The following SIPA1L3 variants were observed in gnomAD, a reference collection of about 807,000 sequenced individuals.
SIPA1L3 encodes the protein signal induced proliferation associated 1 like 3, also known as signal-induced proliferation-associated 1-like protein 3.
SIPA1L3 carries 59 observed loss-of-function variants against 150.1 expected under a neutral mutation model. The ratio of observed to expected loss-of-function variants is 0.39; its 90% CI spans 0.32 to 0.49. SIPA1L3 has a LOEUF of 0.49. Among genes scored for constraint, SIPA1L3 ranks in the 20% least tolerant of loss-of-function variants. SIPA1L3 has a pLI of 0.86. For missense variants in SIPA1L3, 2,211 were observed against 2,489.5 expected (o/e 0.89, Z 2.38); for synonymous variants, 1,070 against 1,077.6 (o/e 0.99, Z 0.14).
rs1054839002 is a variant in SIPA1L3, at chr19:38,201,942, A to G, written c.5065A>G (p.Ser1689Gly). Residue 1689 changes from serine (S) to glycine (G), a missense_variant, in exon 20 of 22, where the codon AGC becomes GGC. By Grantham distance (56) the Ser-to-Gly change is moderately conservative. Coordinates refer to ENST00000222345, the MANE Select transcript of SIPA1L3 (RefSeq NM_015073.3). ...DIPPAHSPVH[S>G]HLSLERGPPT... Reference sequence around the variant, plus strand: ...CCCGCCTGCACACAGTCCTGTCCACAGCCACCTGAGCCTGGAGAGGGGACC... The same window carrying G: ...CCCGCCTGCACACAGTCCTGTCCACGGCCACCTGAGCCTGGAGAGGGGACC... 6.2e-7 allele frequency: 1 copy of G among 1,613,634 alleles called. No individual in the cohort carries two copies. The highest frequency in any genetic ancestry group is 8.5e-7 in the Non-Finnish European group (1 of 1,179,868).
intron 1 of SIPA1L3, among the ~76,000 whole-genome samples, chr19:37,910,309 C>T (rs2046367399): frequency 6.6e-6 from 1 of 151,970 alleles, no homozygotes; most frequent in African/African-American, 2.4e-5. Context: ...GTGGCTCATG[C>T]CTGTAATCCC....
chr19:38,163,151 A>T (rs1164301569), intron 14 of SIPA1L3, among the ~76,000 whole-genome samples: 1 of 152,168 alleles, frequency 6.6e-6, no homozygotes, highest in Non-Finnish European at 1.5e-5. Flanking sequence ...CTGACTTCCC[A>T]TTTGGGGCAG....
chr19:38,141,363 A>T lies in SIPA1L3; in HGVS notation c.3323A>T (p.Gln1108Leu). 1 of 1,613,880 alleles carries T rather than the reference A, an allele frequency of 6.2e-7. No individual in the cohort carries two copies. The highest frequency in any genetic ancestry group is 8.5e-7 in the Non-Finnish European group (1 of 1,179,978). Residue 1108 changes from glutamine (Q) to leucine (L), a missense_variant, in exon 11 of 22, where the codon CAG (glutamine) becomes CTG (leucine). By Grantham distance (113) the Gln-to-Leu change is moderately radical (BLOSUM62 -2). Coordinates refer to ENST00000222345, the MANE Select transcript of SIPA1L3 (RefSeq NM_015073.3). ...WATPTTPGHAQSLSRPLKQTP... is the reference protein window; with the variant it reads ...WATPTTPGHALSLSRPLKQTP... Reference sequence around the variant, plus strand: ...ACTCCAACCACTCCCGGCCATGCCCAGTCCCTGAGCCGGCCCCTGAAGCAG... The same window carrying T: ...ACTCCAACCACTCCCGGCCATGCCCTGTCCCTGAGCCGGCCCCTGAAGCAG...
chr19:38,002,756 A>G (rs1040418825), intron 1 of SIPA1L3, among the ~76,000 whole-genome samples: 3 of 147,980 alleles, frequency 2.0e-5, no homozygotes, highest in Non-Finnish European at 4.5e-5. Context: ...TTATATGTAT[A>G]TATATATATC....
intron 1 of SIPA1L3, among the ~76,000 whole-genome samples, chr19:38,019,314 C>T (rs943201288): frequency 2.6e-5 from 4 of 152,178 alleles, no homozygotes; most frequent in Admixed American, 6.5e-5. Flanking sequence ...GCTCACCATC[C>T]CTAGCACAGG....
chr19:37,948,466 T>TAAAAAAAAGAAAAA (rs2046732443), intron 1 of SIPA1L3, among the ~76,000 whole-genome samples: 1 of 145,656 alleles, frequency 6.9e-6, no homozygotes, highest in Non-Finnish European at 1.5e-5. Flanking sequence ...GACCCGGTCT[T>TAAAAAAAAGAAAAA]AAAAAAAAGA....
At chr19:38,116,235 T>C (rs748033060) in intron 8 of SIPA1L3, among the ~76,000 whole-genome samples, 9 of 152,060 alleles carry the variant, frequency 5.9e-5, no homozygotes, top group Non-Finnish European at 1.3e-4. Context: ...AGAGACCGGG[T>C]GCAGTGGCTC....
chr19:37,935,255 CTTA>C (rs2046590419), intron 1 of SIPA1L3, among the ~76,000 whole-genome samples: 1 of 152,214 alleles, frequency 6.6e-6, no homozygotes, highest in African/African-American at 2.4e-5. Flanking sequence ...GTTTAATGTA[CTTA>C]TTATGAAATA....
chr19:38,106,736 C>A, intron 7 of SIPA1L3, 96 bp downstream of exon 7: 2 of 822,140 alleles, frequency 2.4e-6, no homozygotes, highest in Non-Finnish European at 2.0e-6. Context: ...CATATGGAGG[C>A]CCTTGACCTT....
At position 38,201,971 on chromosome 19, in the gene SIPA1L3, G is replaced by A. The variant is rs144475976; in HGVS notation, c.5094G>A (p.Pro1698=). The change falls in exon 20 of 22, where the codon CCG becomes CCA. Residue 1698 remains proline (P), a synonymous_variant. Coordinates refer to ENST00000222345, the MANE Select transcript of SIPA1L3 (RefSeq NM_015073.3). ...ACCTGAGCCTGGAGAGGGGACCCCC[G>A]ACCCCCAGGACCACCCCTACCATGA... ...HSHLSLERGP[P]TPRTTPTMSE... 7.4e-5 allele frequency: 120 copies of A among 1,612,718 alleles called. No individual in the cohort carries two copies. The highest frequency in any genetic ancestry group is 4.0e-4 in the Admixed American group (24 of 59,754).
intron 1 of SIPA1L3, among the ~76,000 whole-genome samples, chr19:37,939,100 C>T (rs1490378828): frequency 2.6e-5 from 4 of 152,020 alleles, no homozygotes; most frequent in Admixed American, 2.6e-4. Flanking sequence ...TTTTGTGTAC[C>T]TCCAGCTCAC....
At chr19:38,050,282 C>A (rs1460411252) in intron 2 of SIPA1L3, among the ~76,000 whole-genome samples, 1 of 151,826 alleles carries the variant, frequency 6.6e-6, no homozygotes, top group Non-Finnish European at 1.5e-5. Context: ...ATGATGAAAC[C>A]CCGTCTCCAC....
At chr19:38,195,906 C>T (rs574070174) in intron 18 of SIPA1L3, among the ~76,000 whole-genome samples, 1 of 151,940 alleles carries the variant, frequency 6.6e-6, no homozygotes, top group South Asian at 2.1e-4. Flanking sequence ...TCTCCACCAC[C>T]ATACCGGGGG....
intron 9 of SIPA1L3, among the ~76,000 whole-genome samples, chr19:38,123,792 A>G (rs944408858): frequency 2.0e-5 from 3 of 151,358 alleles, no homozygotes; most frequent in Admixed American, 6.6e-5. Flanking sequence ...CACCTCCCAG[A>G]CGGGGTGGCG....
In SIPA1L3 at chr19:38,180,537, C is replaced by CTT. The variant is rs60445902; in HGVS notation, c.4209-1966_4209-1965dup. Among the ~76,000 whole-genome samples, 328 of 124,664 alleles carry CTT rather than the reference C, an allele frequency of 2.6e-3. 2 individuals are homozygous for CTT. Among genetic ancestry groups the CTT allele is most frequent in the African/African-American group, 8.8e-3 (295 of 33,454 alleles). The allele number at this position is 124,664 out of a possible 152,430, so 81.8% of individuals were successfully genotyped here. A position where few individuals can be genotyped will look rare whatever the true frequency, so the allele number is the denominator to read the frequency against. ...CTTAGCATTTTTCTTTTTTTCTTTT[C>CTT]TTTTTTTTTTTTTTTTTGAGACAAT... On this transcript the variant is annotated intron_variant, in intron 15 of 21. Coordinates refer to ENST00000222345, the MANE Select transcript of SIPA1L3 (RefSeq NM_015073.3).
At chr19:38,177,237 T>C (rs2146012416) in intron 15 of SIPA1L3, among the ~76,000 whole-genome samples, 2 of 151,066 alleles carry the variant, frequency 1.3e-5, no homozygotes, top group South Asian at 4.2e-4. Flanking sequence ...GGTGGGCGCC[T>C]GTAGTCCCAG....
At chr19:38,136,358 C>T (rs771357147) in intron 10 of SIPA1L3, among the ~76,000 whole-genome samples, 1 of 151,852 alleles carries the variant, frequency 6.6e-6, no homozygotes, top group Non-Finnish European at 1.5e-5. Context: ...AATCCCAGCA[C>T]TTTGGGAGGC....
chr19:38,111,811 ACCT>A, intron 8 of SIPA1L3, among the ~76,000 whole-genome samples: 1 of 152,342 alleles, frequency 6.6e-6, no homozygotes, highest in East Asian at 1.9e-4. Flanking sequence ...GAGTGCCTGC[ACCT>A]CAGGCCCTTT....
chr19:38,110,915 C>T (rs964123832), intron 8 of SIPA1L3, among the ~76,000 whole-genome samples: 1 of 151,342 alleles, frequency 6.6e-6, no homozygotes, highest in Non-Finnish European at 1.5e-5. Context: ...GCTTCAAGGA[C>T]CAAGAGGCAC....
Sources: gnomAD v4.1 joint callset for allele counts (sites outside exome capture counted in the v4.1 genomes callset) on GRCh38, gnomAD v4.1.1 for gene constraint, MANE v1.5 for transcripts, NCBI Gene and HGNC (gene_info 2026-07-23, HGNC 2026-07-21) for gene names.